RNF166: variants seen among roughly 807,000 people sequenced by gnomAD.
RNF166 encodes ring finger protein 166.
Under a neutral mutation model 29.4 loss-of-function variants are expected in RNF166, and 19 were observed. That is an observed-to-expected ratio of 0.65 (90% CI 0.45 to 0.95). The LOEUF is 0.95. Among genes scored for constraint, RNF166 ranks in the 40% least tolerant of loss-of-function variants. RNF166 has a pLI of 0.00. For missense variants in RNF166, 347 were observed against 322.1 expected (o/e 1.08, Z -0.59); for synonymous variants, 171 against 134.5 (o/e 1.27, Z -1.88).
chr16:88,699,555 G>A (rs1439060588), intron 3 of RNF166, 65 bp downstream of exon 3: 13 of 1,320,916 alleles, frequency 9.8e-6, no homozygotes, highest in African/African-American at 1.5e-5. Flanking sequence ...GGGGCACTGC[G>A]CTTGCTCCCA....
In RNF166 at chr16:88,703,556, C is replaced by T. The variant is rs993615990; in HGVS notation, c.156-2138G>A. ...GAACGAGGCACCCACAGGGTGGGTG[C>T]TCTATCGGCCTAGTTTCCAGTGACT... On this transcript the variant is annotated intron_variant, in intron 1 of 5. Transcript: ENST00000312838. 5 of 985,318 alleles carry T rather than the reference C, an allele frequency of 5.1e-6. No individual in the cohort carries two copies. The African/African-American group carries it at 8.7e-5, about 17-fold the overall frequency. 61.0% of individuals were successfully genotyped at this position (985,318 alleles called of 1,614,324 possible). A position where few individuals can be genotyped will look rare whatever the true frequency, so the allele number is the denominator to read the frequency against.
At chr16:88,704,419 G>A in intron 1 of RNF166, 1 of 985,326 alleles carries the variant, frequency 1.0e-6, no homozygotes, top group Non-Finnish European at 1.2e-6. Context: ...GCAGAGGGGA[G>A]TTTTATAGGA....
chr16:88,703,486 C>T, intron 1 of RNF166: 1 of 985,478 alleles, frequency 1.0e-6, no homozygotes, highest in Non-Finnish European at 1.2e-6. Flanking sequence ...CAAGAGGGAA[C>T]CCAGCCCGAC....
At position 88,699,055 on chromosome 16, in the gene RNF166, G is replaced by A. The variant is rs1244748920; in HGVS notation, c.456C>T (p.Cys152=). The change falls in exon 4 of 6, where the codon TGC becomes TGT. Residue 152 remains cysteine (C), a synonymous_variant. Transcript: ENST00000312838. ...CCAGGTTGCGGGCACCACAGTACGG[G>A]CAGGCGAAGGTGGACCTGTTGGGGA... ...SNIPNRSTFA[C]PYCGARNLDQ... 8 of 1,610,646 alleles carry A rather than the reference G, an allele frequency of 5.0e-6. No homozygotes were observed. The highest frequency in any genetic ancestry group is 6.8e-6 in the Non-Finnish European group (8 of 1,178,836).
Position 88,706,364 on chromosome 16 carries a change from T to G in RNF166, c.-39A>C. On this transcript the variant is annotated 5_prime_UTR_variant, in exon 1 of 6. Coordinates refer to ENST00000312838, the MANE Select transcript of RNF166 (RefSeq NM_178841.4). The stretch of plus-strand genomic sequence containing the variant: ...CCGCGCCGCCCGCCGCCCGCTGTCC[T>G]GGCCCGGGCCGGCCCGCTAGTCACA... 1 of 1,218,036 alleles carries G rather than the reference T, an allele frequency of 8.2e-7. No individual in the cohort carries two copies. Among genetic ancestry groups the G allele is most frequent in the Non-Finnish European group, 1.0e-6 (1 of 978,202 alleles). 75.5% of individuals were successfully genotyped at this position (1,218,036 alleles called of 1,614,324 possible).
At chr16:88,699,164 G>A (rs1597403536) in intron 3 of RNF166, 79 bp from the exon 4 acceptor site, 4 of 1,023,420 alleles carry the variant, frequency 3.9e-6, no homozygotes, top group South Asian at 1.4e-5. Context: ...AAACACAGGC[G>A]TGGCCCCAGG....
At chr16:88,698,351 A>G (rs1909841299) in intron 5 of RNF166, 151 bp downstream of exon 5, 1 of 740,696 alleles carries the variant, frequency 1.4e-6, no homozygotes, top group Admixed American at 2.0e-5. Flanking sequence ...GGCAGCCCCC[A>G]CAGAACCTGG....
At chr16:88,703,162 G>C (rs766979235) in intron 1 of RNF166, 1 of 985,178 alleles carries the variant, frequency 1.0e-6, no homozygotes, top group Admixed American at 6.1e-5. Flanking sequence ...GAGAAACCCA[G>C]TGACCAGAAA....
chr16:88,699,100 G>A lies in RNF166; in HGVS notation c.426-15C>T, dbSNP rs749721608. On this transcript the variant is annotated splice_polypyrimidine_tract_variant and intron_variant, in intron 3 of 5. Coordinates refer to ENST00000312838, the MANE Select transcript of RNF166 (RefSeq NM_178841.4). ...TGGGGATGTTGCTGGCGGGGCGGGG[G>A]TAGAGTGAGTGGCACGGCTAGGTGT... 22 of 1,548,234 alleles carry A rather than the reference G, an allele frequency of 1.4e-5. No homozygotes were observed. Among genetic ancestry groups the A allele is most frequent in the Admixed American group, 3.5e-5 (2 of 56,420 alleles).
intron 1 of RNF166, chr16:88,703,062 C>T (rs894971300): frequency 1.0e-5 from 10 of 985,440 alleles, no homozygotes; most frequent in Non-Finnish European, 1.1e-5. Context: ...CCCCACCACG[C>T]ACCGGAAGGC....
intron 1 of RNF166, among the ~76,000 whole-genome samples, chr16:88,701,924 C>T (rs1910280581): frequency 6.6e-6 from 1 of 152,246 alleles, no homozygotes; most frequent in Non-Finnish European, 1.5e-5. Flanking sequence ...CAAAGCTAGC[C>T]AAGTGGCAGC....
intron 4 of RNF166, 127 bp downstream of exon 4, chr16:88,698,844 C>T (rs969078850): frequency 2.6e-6 from 2 of 780,904 alleles, no homozygotes; most frequent in Non-Finnish European, 4.2e-6. Flanking sequence ...AAGTTCCCAC[C>T]CTGGGTCCCA....
intron 2 of RNF166, 72 bp downstream of exon 2, chr16:88,701,190 T>C: frequency 1.3e-6 from 2 of 1,577,200 alleles, no homozygotes; most frequent in Non-Finnish European, 1.7e-6. Flanking sequence ...GCCCCCACCC[T>C]CTGCAGAACC....
In RNF166 at chr16:88,701,734, G is replaced by A. The variant is rs530576653; in HGVS notation, c.156-316C>T. 147 of 318,058 alleles carry A rather than the reference G, an allele frequency of 4.6e-4. 2 individuals carry two copies. The East Asian group carries it at 7.3e-3, about 16-fold the overall frequency. 19.7% of individuals were successfully genotyped at this position (318,058 alleles called of 1,614,324 possible). Reference sequence around the variant, plus strand: ...TCCCATAGGCAGGAGGCCCCAGCTCGGGCTACCAGGTTCACGTTCACGTGG... The same window carrying A: ...TCCCATAGGCAGGAGGCCCCAGCTCAGGCTACCAGGTTCACGTTCACGTGG... On this transcript the variant is annotated intron_variant, in intron 1 of 5. Coordinates refer to ENST00000312838, the MANE Select transcript of RNF166 (RefSeq NM_178841.4).
intron 4 of RNF166, 101 bp downstream of exon 4, chr16:88,698,870 C>G: frequency 1.0e-6 from 1 of 963,304 alleles, no homozygotes; most frequent in African/African-American, 1.6e-5. Context: ...CCTTTGTGGC[C>G]TGGGCACCCC....
chr16:88,702,153 C>CCCTCCTGCTGCTGTCTACAACCG (rs151144464), intron 1 of RNF166, among the ~76,000 whole-genome samples: 1 of 151,954 alleles, frequency 6.6e-6, no homozygotes, highest in African/African-American at 2.4e-5. Flanking sequence ...GGCTCGCACA[C>CCCTCCTGCTGCTGTCTACAACCG]CCTCCCGCTC....
At chr16:88,702,012 G>A (rs974218822) in intron 1 of RNF166, among the ~76,000 whole-genome samples, 1 of 152,200 alleles carries the variant, frequency 6.6e-6, no homozygotes, top group African/African-American at 2.4e-5. Context: ...CATCTGGGCG[G>A]AGGCTCGGGT....
intron 1 of RNF166, among the ~76,000 whole-genome samples, chr16:88,702,443 G>C (rs139717580): frequency 3.0e-4 from 45 of 152,320 alleles, no homozygotes; most frequent in African/African-American, 1.0e-3. Context: ...GAGGGGCTGT[G>C]GGCAGGCCCT....
At chr16:88,699,848 C>G in intron 2 of RNF166, 116 bp from the exon 3 acceptor site, 1 of 670,394 alleles carries the variant, frequency 1.5e-6, no homozygotes, top group Non-Finnish European at 2.5e-6. Context: ...GTCTGTGTTG[C>G]CAGCAGCAGG....
Sources: gnomAD v4.1 joint callset for allele counts (sites outside exome capture counted in the v4.1 genomes callset) on GRCh38, gnomAD v4.1.1 for gene constraint, MANE v1.5 for transcripts, NCBI Gene and HGNC (gene_info 2026-07-23, HGNC 2026-07-21) for gene names.